RAD51B: variants seen among roughly 807,000 people sequenced by gnomAD.
RAD51B encodes RAD51 paralog B.
A neutral mutation model predicts 42.2 loss-of-function variants in RAD51B; 38 were observed. That is an observed-to-expected ratio of 0.90 (90% confidence interval 0.70 to 1.18). The LOEUF (loss-of-function observed/expected upper bound fraction) is 1.18. Among genes scored for constraint, RAD51B ranks in the 50% most tolerant of loss-of-function variants. The pLI, the probability that RAD51B is intolerant of heterozygous loss-of-function variation, is 0.00. For synonymous variants in RAD51B, 154 were observed against 145.2 expected (o/e 1.06, Z -0.43); for missense variants, 373 against 400.7 (o/e 0.93, Z 0.59).
chr14:68,402,028 G>A (rs1012107883), intron 8 of RAD51B, among the ~76,000 whole-genome samples: 2 of 152,094 alleles, frequency 1.3e-5, no homozygotes, highest in African/African-American at 4.8e-5. Flanking sequence ...GTCAATTTTA[G>A]AGACCCAAGG....
chr14:68,433,871 T>C (rs1334460342), intron 9 of RAD51B, among the ~76,000 whole-genome samples: 1 of 152,216 alleles, frequency 6.6e-6, no homozygotes, highest in Non-Finnish European at 1.5e-5. Flanking sequence ...TCCCCATCTT[T>C]GTGGTTTTAT....
intron 11 of RAD51B, among the ~76,000 whole-genome samples, chr14:68,675,596 C>T (rs549527363): frequency 6.6e-6 from 1 of 152,220 alleles, no homozygotes; most frequent in Non-Finnish European, 1.5e-5. Flanking sequence ...CTGTTCAATT[C>T]CATTTGATGG....
At chr14:68,642,866 T>A (rs1037938320) in intron 10 of RAD51B, among the ~76,000 whole-genome samples, 10 of 152,260 alleles carry the variant, frequency 6.6e-5, no homozygotes, top group African/African-American at 2.4e-4. Context: ...GACCCATATG[T>A]TATTTATAAG....
At chr14:68,459,229 A>G (rs970813333) in intron 9 of RAD51B, among the ~76,000 whole-genome samples, 1 of 152,174 alleles carries the variant, frequency 6.6e-6, no homozygotes, top group Non-Finnish European at 1.5e-5. Context: ...TCAACCTGGG[A>G]AGGGACAGAA....
At chr14:67,848,671 A>G (rs1594995594) in intron 4 of RAD51B, among the ~76,000 whole-genome samples, 1 of 151,978 alleles carries the variant, frequency 6.6e-6, no homozygotes, top group Non-Finnish European at 1.5e-5. Context: ...TAGTTACTTT[A>G]TAGTGTCTGT....
intron 7 of RAD51B, among the ~76,000 whole-genome samples, chr14:68,132,403 A>C (rs2077912005): frequency 6.6e-6 from 1 of 152,222 alleles, no homozygotes; most frequent in African/African-American, 2.4e-5. Context: ...GTAAGGCAAT[A>C]GTTGGAATAT....
Position 68,329,490 on chromosome 14 carries a change from C to A in RAD51B, c.853+37510C>A, listed in dbSNP as rs190345283. 5.6e-4 allele frequency among the ~76,000 whole-genome samples: 85 copies of A among 152,242 alleles called. 1 individual carries two copies. Among genetic ancestry groups the A allele is most frequent in the Middle Eastern group, 6.8e-3 (2 of 294 alleles). ...CCAGAAATCTACAGAAGGTACCTTT[C>A]CTTTTCTTTGGTTCCAGAGAGCATG... On this transcript the variant is annotated intron_variant, in intron 8 of 10. Transcript: ENST00000471583.
chr14:67,855,807 C>T (rs1308224873), intron 4 of RAD51B, among the ~76,000 whole-genome samples: 1 of 152,110 alleles, frequency 6.6e-6, no homozygotes, highest in Non-Finnish European at 1.5e-5. Context: ...TCAGATGTGC[C>T]CCACAAGTTG....
At chr14:68,107,593 A>G (rs1055824390) in intron 7 of RAD51B, among the ~76,000 whole-genome samples, 2 of 151,854 alleles carry the variant, frequency 1.3e-5, no homozygotes, top group Non-Finnish European at 3.0e-5. Context: ...ATAGTAATCC[A>G]AACAGTGTGG....
chr14:68,252,796 T>A lies in RAD51B; in HGVS notation c.757-39088T>A, dbSNP rs546724280. Among the ~76,000 whole-genome samples the A allele has an allele frequency of 2.0e-5, 3 of 152,246 alleles. No homozygotes were observed. The East Asian group carries it at 5.8e-4, about 29-fold the overall frequency. ...TGTTCTTTTTTTCTTAAAAAAGGAATGTAGCCAGGTGTGGTGACTCACTCC... is the reference window on the plus strand; with the variant it reads ...TGTTCTTTTTTTCTTAAAAAAGGAAAGTAGCCAGGTGTGGTGACTCACTCC... On this transcript the variant is annotated intron_variant, in intron 7 of 10. Transcript: ENST00000471583.
At chr14:68,450,196 G>T (rs10140165) in intron 9 of RAD51B, among the ~76,000 whole-genome samples, 146 of 120,770 alleles carry the variant, frequency 1.2e-3, no homozygotes, top group African/African-American at 4.3e-3. Context: ...GGCCCAAAAA[G>T]AGCTTAGGGC....
intron 11 of RAD51B, among the ~76,000 whole-genome samples, chr14:68,659,438 T>C (rs1322880058): frequency 6.6e-6 from 1 of 151,862 alleles, no homozygotes; most frequent in Non-Finnish European, 1.5e-5. Flanking sequence ...TTTTCTGCAA[T>C]ATAAACAAGA....
intron 7 of RAD51B, among the ~76,000 whole-genome samples, chr14:68,042,548 A>G (rs1270346303): frequency 1.3e-5 from 2 of 152,116 alleles, no homozygotes; most frequent in East Asian, 1.9e-4. Flanking sequence ...CAATTTTGTA[A>G]TTATTTAGAA....
chr14:68,098,642 T>A (rs1260306465), intron 7 of RAD51B, among the ~76,000 whole-genome samples: 1 of 152,062 alleles, frequency 6.6e-6, no homozygotes, highest in African/African-American at 2.4e-5. Context: ...ATGAGAACAG[T>A]ATGGGGGAAA....
intron 11 of RAD51B, among the ~76,000 whole-genome samples, chr14:68,661,767 G>A (rs1332294273): frequency 6.6e-6 from 1 of 152,072 alleles, no homozygotes; most frequent in African/African-American, 2.4e-5. Context: ...ACAGCCCTGG[G>A]TGCGAACATC....
At chr14:68,192,863 G>C (rs1208575282) in intron 7 of RAD51B, among the ~76,000 whole-genome samples, 1 of 152,080 alleles carries the variant, frequency 6.6e-6, no homozygotes, top group African/African-American at 2.4e-5. Context: ...ATGGATTTTG[G>C]AATAATTACG....
intron 10 of RAD51B, among the ~76,000 whole-genome samples, chr14:68,650,041 C>G (rs895031055): frequency 6.6e-6 from 1 of 152,160 alleles, no homozygotes; most frequent in Non-Finnish European, 1.5e-5. Context: ...GTCACTCCCC[C>G]CGCAGAGCCT....
chr14:67,916,911 A>G (rs903142999), intron 7 of RAD51B, among the ~76,000 whole-genome samples: 2 of 152,248 alleles, frequency 1.3e-5, no homozygotes, highest in Non-Finnish European at 2.9e-5. Flanking sequence ...GGCAATAAAA[A>G]GGAATTGTAT....
chr14:68,295,917 G>A (rs2081606068), intron 8 of RAD51B, among the ~76,000 whole-genome samples: 1 of 152,090 alleles, frequency 6.6e-6, no homozygotes, highest in South Asian at 2.1e-4. Context: ...CATACTCACT[G>A]GTTTGCACAC....
Sources: gnomAD v4.1 joint callset for allele counts (sites outside exome capture counted in the v4.1 genomes callset) on GRCh38, gnomAD v4.1.1 for gene constraint, MANE v1.5 for transcripts, NCBI Gene and HGNC (gene_info 2026-07-23, HGNC 2026-07-21) for gene names.